The following BMP6 variants were observed in gnomAD, a reference collection of about 807,000 sequenced individuals.
The protein encoded by BMP6 is bone morphogenetic protein 6.
A neutral mutation model predicts 54.1 loss-of-function variants in BMP6; 17 were observed. That is an observed-to-expected ratio of 0.31 (90% CI 0.22 to 0.47). The LOEUF is 0.47. Ranked by LOEUF, BMP6 falls within the 20% of genes least tolerant of loss-of-function variation. BMP6 has a pLI of 1.00. For synonymous variants in BMP6, 328 were observed against 291.2 expected (o/e 1.13, Z -1.28); for missense variants, 720 against 690.4 (o/e 1.04, Z -0.48).
chr6:7,781,767 G>C (rs535517449), intron 1 of BMP6, among the ~76,000 whole-genome samples: 39 of 151,668 alleles, frequency 2.6e-4, no homozygotes, highest in Non-Finnish European at 4.7e-4. Flanking sequence ...AGACTGGGAG[G>C]TCTGGGAAGG....
rs531116831 is a variant in BMP6 at position 7,730,027 on chromosome 6, C to T, written c.664+2408C>T. ...AGCAGTGTCATTGTTTTGTCAAGAT[C>T]TCAGGTGATGTCAGTGTTTGGAAAC... On this transcript the variant is annotated intron_variant, in intron 1 of 6. Coordinates refer to ENST00000283147, the MANE Select transcript of BMP6 (RefSeq NM_001718.6). 2.6e-5 allele frequency among the ~76,000 whole-genome samples: 4 copies of T among 152,302 alleles called. No homozygotes were observed. The South Asian group carries it at 6.2e-4, about 24-fold the overall frequency.
At chr6:7,829,513 A>AG (rs1758755162) in intron 1 of BMP6, among the ~76,000 whole-genome samples, 1 of 152,130 alleles carries the variant, frequency 6.6e-6, no homozygotes, top group Non-Finnish European at 1.5e-5. Context: ...AGACCAGCCT[A>AG]GGCAATGTAG....
intron 1 of BMP6, among the ~76,000 whole-genome samples, chr6:7,777,530 T>G (rs1439189891): frequency 1.3e-5 from 2 of 152,162 alleles, no homozygotes; most frequent in Non-Finnish European, 2.9e-5. Flanking sequence ...TTGAACTCCC[T>G]TGAGGCCAGT....
At chr6:7,829,971 T>G (rs1405535592) in intron 1 of BMP6, among the ~76,000 whole-genome samples, 4 of 152,214 alleles carry the variant, frequency 2.6e-5, no homozygotes, top group Non-Finnish European at 5.9e-5. Flanking sequence ...GGACTGAAAA[T>G]AAGTCATTTG....
intron 1 of BMP6, among the ~76,000 whole-genome samples, chr6:7,797,945 C>A (rs180961874): frequency 6.6e-6 from 1 of 152,244 alleles, no homozygotes; most frequent in African/African-American, 2.4e-5. Flanking sequence ...CAGATGTATA[C>A]GTTGATTTTT....
At chr6:7,769,341 A>G (rs1757747038) in intron 1 of BMP6, among the ~76,000 whole-genome samples, 1 of 152,176 alleles carries the variant, frequency 6.6e-6, no homozygotes, top group African/African-American at 2.4e-5. Context: ...GAAAAGCCCA[A>G]GTTACACCCC....
intron 1 of BMP6, among the ~76,000 whole-genome samples, chr6:7,804,899 T>G (rs1444844993): frequency 6.6e-6 from 1 of 152,192 alleles, no homozygotes; most frequent in African/African-American, 2.4e-5. Flanking sequence ...GATTTTTTTT[T>G]TTCTTAGTGT....
At chr6:7,844,463 C>T (rs928365294) in intron 1 of BMP6, among the ~76,000 whole-genome samples, 1 of 151,938 alleles carries the variant, frequency 6.6e-6, no homozygotes, top group African/African-American at 2.4e-5. Flanking sequence ...CCAGCAACTT[C>T]CCAGTGTGGA....
chr6:7,844,123 T>C (rs1759020364), intron 1 of BMP6, among the ~76,000 whole-genome samples: 1 of 152,222 alleles, frequency 6.6e-6, no homozygotes, highest in South Asian at 2.1e-4. Flanking sequence ...ATTCTGCATA[T>C]GAGTGAGGTC....
At chr6:7,783,118 A>G (rs971961599) in intron 1 of BMP6, among the ~76,000 whole-genome samples, 4 of 152,108 alleles carry the variant, frequency 2.6e-5, no homozygotes, top group Admixed American at 2.6e-4. Flanking sequence ...AGGAGAGAGA[A>G]AGGGTTTGCA....
intron 1 of BMP6, among the ~76,000 whole-genome samples, chr6:7,762,434 C>A (rs922594687): frequency 6.6e-6 from 1 of 152,198 alleles, no homozygotes; most frequent in African/African-American, 2.4e-5. Context: ...TCGCAGTAGT[C>A]CTGGGCACTG....
Position 7,873,811 on chromosome 6 carries a change from C to G in BMP6, c.1205-5263C>G, listed in dbSNP as rs183026640. ...CAGAGATATATTTATTATTTTCACA[C>G]TGCCCATGTCTGCTTGACCTGGGAA... is the stretch of plus-strand genomic sequence containing the variant. On this transcript the variant is annotated intron_variant, in intron 4 of 6. Transcript: ENST00000283147. Among the ~76,000 whole-genome samples, 444 of 152,192 alleles carry G rather than the reference C, an allele frequency of 2.9e-3. 6 individuals carry two copies. Among genetic ancestry groups the G allele is most frequent in the African/African-American group, 9.9e-3 (413 of 41,516 alleles).
chr6:7,730,484 C>T (rs1761833351), intron 1 of BMP6, among the ~76,000 whole-genome samples: 1 of 152,182 alleles, frequency 6.6e-6, no homozygotes. Context: ...TGTAGGTCCA[C>T]TTCTGGACTC....
chr6:7,830,750 C>T (rs183154671), intron 1 of BMP6, among the ~76,000 whole-genome samples: 2 of 152,166 alleles, frequency 1.3e-5, no homozygotes, highest in East Asian at 3.9e-4. Context: ...GGGGAAATGC[C>T]CTTTATGAAA....
intron 1 of BMP6, among the ~76,000 whole-genome samples, chr6:7,808,096 G>A (rs563877444): frequency 2.2e-3 from 339 of 151,342 alleles, no homozygotes; most frequent in Middle Eastern, 6.8e-3. Context: ...AATTTTTTGT[G>A]TTTTTAGTAG....
At chr6:7,794,697 A>G (rs1554121338) in intron 1 of BMP6, among the ~76,000 whole-genome samples, 1 of 152,200 alleles carries the variant, frequency 6.6e-6, no homozygotes, top group Non-Finnish European at 1.5e-5. Flanking sequence ...CACATTTACA[A>G]CCTTAGGAGA....
At chr6:7,811,540 T>TC (rs763220165) in intron 1 of BMP6, among the ~76,000 whole-genome samples, 1 of 152,202 alleles carries the variant, frequency 6.6e-6, no homozygotes, top group Non-Finnish European at 1.5e-5. Flanking sequence ...AGTCGGCAAT[T>TC]CCTGACCCAC....
At position 7,790,801 on chromosome 6, in the gene BMP6, CCTT is replaced by C. The variant is rs373349174; in HGVS notation, c.665-54335_665-54333del. Among the ~76,000 whole-genome samples, 83 of 152,304 alleles carry C rather than the reference CCTT, an allele frequency of 5.4e-4. No individual in the cohort carries two copies. The East Asian group carries it at 0.013, about 24-fold the overall frequency. On this transcript the variant is annotated intron_variant, in intron 1 of 6. Transcript: ENST00000283147. ...GGACATCGCCACATGGCCCAATACT[CCTT>C]CTTGCAGGTCTGTCCTTGTCACACG...
intron 1 of BMP6, among the ~76,000 whole-genome samples, chr6:7,815,914 GAAAT>G (rs1561781044): frequency 6.6e-6 from 1 of 152,182 alleles, no homozygotes. Flanking sequence ...TAGCATTGTA[GAAAT>G]AAATAGTCGT....
Sources: gnomAD v4.1 joint callset for allele counts (sites outside exome capture counted in the v4.1 genomes callset) on GRCh38, gnomAD v4.1.1 for gene constraint, MANE v1.5 for transcripts, NCBI Gene and HGNC (gene_info 2026-07-23, HGNC 2026-07-21) for gene names.